GEMIN7: variants seen among roughly 807,000 people sequenced by gnomAD.
GEMIN7 encodes the protein gem-associated protein 7.
A neutral mutation model predicts 7.8 loss-of-function variants in GEMIN7; 7 were observed. The observed-to-expected ratio is 0.90, with a 90% CI of 0.51 to 1.69. The LOEUF (loss-of-function observed/expected upper bound fraction) is 1.69. Ranked by LOEUF, GEMIN7 falls within the 40% of genes most tolerant of loss-of-function variation. The probability of loss-of-function intolerance (pLI) is 0.00; values close to 1 mark genes in which losing one functional copy is unlikely to be tolerated. For missense variants in GEMIN7, 159 were observed against 176.2 expected, an observed-to-expected ratio of 0.90 and a Z score of 0.55; for synonymous variants, 68 against 72.4, an observed-to-expected ratio of 0.94 and a Z score of 0.31.
chr19:45,079,110 C>T (rs529110092), upstream of GEMIN7: 6 of 152,366 alleles, frequency 3.9e-5, no homozygotes, highest in East Asian at 7.7e-4. Context: ...AGCCGCGGGC[C>T]AGGTGGCGAC....
chr19:45,086,001 G>A (rs147410727), intron 2 of GEMIN7, among the ~76,000 whole-genome samples: 3,926 of 150,194 alleles, frequency 0.026, 159 homozygotes, highest in African/African-American at 0.091. Context: ...CCGAGTAGCT[G>A]GGACTACAGG....
chr19:45,075,745 A>G (rs780653589), upstream of GEMIN7: 2 of 1,613,986 alleles, frequency 1.2e-6, no homozygotes, highest in Admixed American at 3.3e-5. Flanking sequence ...GCCTCTGAAG[A>G]GCTGACAGCC....
At chr19:45,085,413 A>G (rs1967647412) in intron 2 of GEMIN7, 1 of 152,226 alleles carries the variant, frequency 6.6e-6, no homozygotes. Context: ...TGGCTGTCAC[A>G]ACTTGAAGAT....
At chr19:45,083,339 CAGG>C (rs1433129323) in intron 2 of GEMIN7, among the ~76,000 whole-genome samples, 1 of 151,938 alleles carries the variant, frequency 6.6e-6, no homozygotes, top group Non-Finnish European at 1.5e-5. Context: ...CCCAGCTACT[CAGG>C]AGGCTGAGGC....
At chr19:45,076,330 G>C, upstream of GEMIN7, 1 of 1,390,202 alleles carries the variant, frequency 7.2e-7, no homozygotes, top group Non-Finnish European at 9.4e-7. This position sits in a 1 kb window ranked among gnomAD's most constrained non-coding sequence, Gnocchi z 4.9. Flanking sequence ...GGCGGGCGCG[G>C]GCTCTACTCG....
At chr19:45,089,023 C>T (rs1467625792) in intron 2 of GEMIN7, among the ~76,000 whole-genome samples, 1 of 151,544 alleles carries the variant, frequency 6.6e-6, no homozygotes, top group East Asian at 1.9e-4. Context: ...CTCACTGCAG[C>T]CTCCGCCTTT....
At chr19:45,086,157 A>G (rs11671277) in intron 2 of GEMIN7, among the ~76,000 whole-genome samples, 84,358 of 149,938 alleles carry the variant, frequency 0.56, 24,365 homozygotes, top group African/African-American at 0.68. Context: ...GTGAGCCACC[A>G]CGCCCGGCCA....
chr19:45,089,546 T>C (rs1347401357), intron 2 of GEMIN7, among the ~76,000 whole-genome samples: 1 of 151,818 alleles, frequency 6.6e-6, no homozygotes, highest in Non-Finnish European at 1.5e-5. Context: ...GGGTTTATTC[T>C]TTTTTTTAGA....
At chr19:45,081,349 G>C (rs972696897) in intron 2 of GEMIN7, among the ~76,000 whole-genome samples, 1 of 151,856 alleles carries the variant, frequency 6.6e-6, no homozygotes, top group Admixed American at 6.6e-5. Context: ...CTAGTTACTT[G>C]GGAGGCTGAG....
chr19:45,075,846 G>A, upstream of GEMIN7: 1 of 1,614,034 alleles, frequency 6.2e-7, no homozygotes, highest in South Asian at 1.1e-5. Flanking sequence ...GGTGTTTGTC[G>A]GTCCAGGGCT....
upstream of GEMIN7, chr19:45,076,303 T>C (rs1171874430): frequency 1.9e-5 from 27 of 1,438,172 alleles, no homozygotes; most frequent in Non-Finnish European, 2.5e-5. The surrounding 1 kb of genome is among the most constrained non-coding windows in gnomAD (Gnocchi z 4.9). Flanking sequence ...CATTTCCATC[T>C]CGTCGTCTGG....
At chr19:45,089,227 C>A (rs1029374159) in intron 2 of GEMIN7, among the ~76,000 whole-genome samples, 28 of 152,096 alleles carry the variant, frequency 1.8e-4, no homozygotes, top group African/African-American at 6.5e-4. Context: ...CAGGTGTGAG[C>A]CACCGCACCC....
intron 2 of GEMIN7, among the ~76,000 whole-genome samples, chr19:45,084,190 G>A (rs545041283): frequency 1.1e-3 from 138 of 122,824 alleles, no homozygotes; most frequent in African/African-American, 4.2e-3. Flanking sequence ...CTGCCTGGGC[G>A]ACAAGAGCGA....
Position 45,090,857 on chromosome 19 carries a change from G to A in GEMIN7, c.*347G>A, listed in dbSNP as rs536333060. 4.5e-6 allele frequency: 1 copy of A among 222,520 alleles called. No individual in the cohort carries two copies. The highest frequency in any genetic ancestry group is 1.1e-4 in the East Asian group (1 of 9,132). The allele number at this position is 222,520 out of a possible 1,614,324, so 13.8% of individuals were successfully genotyped here. A position where few individuals can be genotyped will look rare whatever the true frequency, so the allele number is the denominator to read the frequency against. On this transcript the variant is annotated 3_prime_UTR_variant, in exon 3 of 3. Transcript: ENST00000270257. ...GTTATTAAAGAGGCTGCAAAGTCCA[G>A]CCACCCTGAAGATACTCCCCAGTGC...
chr19:45,076,454 A>G (rs1400562895), upstream of GEMIN7: 1 of 1,069,120 alleles, frequency 9.4e-7, no homozygotes, highest in East Asian at 3.5e-5. This position sits in a 1 kb window ranked among gnomAD's most constrained non-coding sequence, Gnocchi z 4.9. Context: ...GGACGCGCGG[A>G]CCGTGCGCGC....
At chr19:45,083,559 G>A (rs1482863722) in intron 2 of GEMIN7, among the ~76,000 whole-genome samples, 2 of 151,214 alleles carry the variant, frequency 1.3e-5, no homozygotes, top group African/African-American at 4.9e-5. Context: ...ATGCCTCCCA[G>A]GGAGAGCTCT....
chr19:45,076,429 G>T, upstream of GEMIN7: 1 of 1,190,054 alleles, frequency 8.4e-7, no homozygotes, highest in Non-Finnish European at 1.0e-6. This position sits in a 1 kb window ranked among gnomAD's most constrained non-coding sequence, Gnocchi z 4.9. Context: ...GGCGGGCGGA[G>T]GACGCACGAG....
intron 2 of GEMIN7, among the ~76,000 whole-genome samples, chr19:45,087,942 ATTT>A (rs535770065): frequency 0.46 from 52,560 of 114,920 alleles, 11,305 homozygotes; most frequent in African/African-American, 0.48. Flanking sequence ...TAGATATATA[ATTT>A]TTTTTTTTTT....
At chr19:45,085,861 C>CT (rs1568431705) in intron 2 of GEMIN7, among the ~76,000 whole-genome samples, 8 of 76,182 alleles carry the variant, frequency 1.1e-4, no homozygotes, top group African/African-American at 4.6e-4. Flanking sequence ...GCACAAGAAT[C>CT]TCTTTTTTTT....
Sources: allele counts gnomAD v4.1 joint callset (sites outside exome capture counted in the v4.1 genomes callset), GRCh38; gene constraint gnomAD v4.1.1; non-coding constraint Gnocchi (gnomAD v3.1); transcripts MANE v1.5; gene names NCBI Gene and HGNC (gene_info 2026-07-23, HGNC 2026-07-21).